SMOC2: variants seen among roughly 807,000 people sequenced by gnomAD.
SMOC2 encodes SPARC related modular calcium binding 2.
A neutral mutation model predicts 61.4 loss-of-function variants in SMOC2; 39 were observed. That is an observed-to-expected ratio of 0.64 (90% confidence interval 0.49 to 0.83). The LOEUF is 0.83. SMOC2 is among the 40% of genes least tolerant of loss of function. The pLI, the probability that SMOC2 is intolerant of heterozygous loss-of-function variation, is 0.00. For synonymous variants in SMOC2, 247 were observed against 239.9 expected (o/e 1.03, Z -0.27); for missense variants, 556 against 592.9 (o/e 0.94, Z 0.65).
At chr6:168,634,472 T>A (rs532479771) in intron 9 of SMOC2, among the ~76,000 whole-genome samples, 2 of 152,326 alleles carry the variant, frequency 1.3e-5, no homozygotes, top group East Asian at 3.9e-4. Context: ...GTCATAGGTC[T>A]CAGGATCCTA....
At chr6:168,558,235 C>T (rs1314801141) in intron 7 of SMOC2, among the ~76,000 whole-genome samples, 3 of 152,192 alleles carry the variant, frequency 2.0e-5, no homozygotes, top group Non-Finnish European at 4.4e-5. Context: ...TTCTCATTGT[C>T]TTATTTAGGA....
chr6:168,625,409 C>T (rs988076607), intron 9 of SMOC2, among the ~76,000 whole-genome samples: 4 of 152,168 alleles, frequency 2.6e-5, no homozygotes, highest in Non-Finnish European at 1.5e-5. Context: ...CTCGCTGTGC[C>T]GGAGAGGCCC....
chr6:168,466,869 C>G (rs528365750), intron 1 of SMOC2, among the ~76,000 whole-genome samples: 1 of 152,158 alleles, frequency 6.6e-6, no homozygotes, highest in African/African-American at 2.4e-5. Flanking sequence ...CCCGGTGGGG[C>G]GGTAAATCCC....
At chr6:168,600,573 C>CA (rs1785525742) in intron 8 of SMOC2, among the ~76,000 whole-genome samples, 1 of 152,210 alleles carries the variant, frequency 6.6e-6, no homozygotes, top group Non-Finnish European at 1.5e-5. Context: ...CTGCCCCACT[C>CA]ACGCCGGACG....
chr6:168,497,403 A>G (rs529275345), intron 1 of SMOC2, among the ~76,000 whole-genome samples: 3 of 152,296 alleles, frequency 2.0e-5, no homozygotes, highest in Admixed American at 6.5e-5. Flanking sequence ...AGCTCTTTTT[A>G]TTACAGAGAA....
intron 1 of SMOC2, among the ~76,000 whole-genome samples, chr6:168,493,063 G>T (rs1358444496): frequency 2.6e-5 from 4 of 151,880 alleles, no homozygotes; most frequent in African/African-American, 7.3e-5. Flanking sequence ...TTGAGACAGA[G>T]TCTTACTCTG....
intron 7 of SMOC2, among the ~76,000 whole-genome samples, chr6:168,587,253 T>G (rs1027779408): frequency 2.6e-5 from 4 of 152,200 alleles, no homozygotes; most frequent in Non-Finnish European, 1.5e-5. Context: ...CACTAACTCC[T>G]CCCGCCCACC....
At chr6:168,509,747 A>G (rs1031188545) in intron 1 of SMOC2, among the ~76,000 whole-genome samples, 168 bp from the exon 2 acceptor site, 2 of 152,176 alleles carry the variant, frequency 1.3e-5, no homozygotes, top group African/African-American at 4.8e-5. Context: ...TGATGGCTAA[A>G]ATGTTCAGAG....
chr6:168,455,641 G>A (rs927159556), intron 1 of SMOC2, among the ~76,000 whole-genome samples: 1 of 152,146 alleles, frequency 6.6e-6, no homozygotes, highest in East Asian at 1.9e-4. Context: ...AAAGGAAAAG[G>A]TACAGATTTC....
chr6:168,456,503 C>A (rs555962806), intron 1 of SMOC2, among the ~76,000 whole-genome samples: 1 of 152,178 alleles, frequency 6.6e-6, no homozygotes, highest in Non-Finnish European at 1.5e-5. Context: ...TCACGGCACC[C>A]CAGCAGGGTC....
chr6:168,485,060 C>T (rs1782299148), intron 1 of SMOC2, among the ~76,000 whole-genome samples: 1 of 152,062 alleles, frequency 6.6e-6, no homozygotes, highest in Non-Finnish European at 1.5e-5. Flanking sequence ...TATTTAATAT[C>T]ACTTAACTAT....
intron 7 of SMOC2, among the ~76,000 whole-genome samples, chr6:168,550,533 C>T (rs933805385): frequency 7.2e-5 from 11 of 152,140 alleles, no homozygotes; most frequent in African/African-American, 2.2e-4. Flanking sequence ...GCAAAGCTAG[C>T]GCGGTGCAAT....
chr6:168,451,572 G>A (rs1432653172), intron 1 of SMOC2, among the ~76,000 whole-genome samples: 2 of 145,438 alleles, frequency 1.4e-5, no homozygotes, highest in Non-Finnish European at 3.0e-5. Flanking sequence ...GGCAGCTCGC[G>A]CTCTCTCTCT....
At chr6:168,634,437 A>C (rs552109942) in intron 9 of SMOC2, among the ~76,000 whole-genome samples, 13 of 152,352 alleles carry the variant, frequency 8.5e-5, no homozygotes, top group African/African-American at 2.9e-4. Flanking sequence ...TATTCTCCCC[A>C]GGTGGTCAAT....
intron 2 of SMOC2, among the ~76,000 whole-genome samples, chr6:168,524,656 C>T (rs745560576): frequency 1.3e-5 from 2 of 152,246 alleles, no homozygotes; most frequent in Non-Finnish European, 2.9e-5. Flanking sequence ...TACTAAAAAA[C>T]GAGGACAGAA....
intron 7 of SMOC2, among the ~76,000 whole-genome samples, chr6:168,581,060 G>C (rs774823986): frequency 1.5e-4 from 23 of 152,038 alleles, no homozygotes; most frequent in Non-Finnish European, 2.9e-4. Context: ...ATTCCCCCCT[G>C]GTTTTTATAC....
At chr6:168,574,554 G>A (rs1482148671) in intron 7 of SMOC2, among the ~76,000 whole-genome samples, 1 of 152,216 alleles carries the variant, frequency 6.6e-6, no homozygotes, top group Non-Finnish European at 1.5e-5. Context: ...CTGGAGAAAG[G>A]TGAGGAGGGA....
chr6:168,624,545 C>T (rs1786334036), intron 9 of SMOC2, among the ~76,000 whole-genome samples: 1 of 150,332 alleles, frequency 6.7e-6, no homozygotes, highest in Non-Finnish European at 1.5e-5. Context: ...CACATAGACA[C>T]ATGCACACAC....
chr6:168,597,826 C>T (rs1008350344), intron 7 of SMOC2, among the ~76,000 whole-genome samples: 8 of 152,218 alleles, frequency 5.3e-5, no homozygotes, highest in Non-Finnish European at 1.0e-4. Context: ...GATGCTACCG[C>T]TCTCCCCCCA....
Sources: gnomAD v4.1 joint callset for allele counts (sites outside exome capture counted in the v4.1 genomes callset) on GRCh38, gnomAD v4.1.1 for gene constraint, MANE v1.5 for transcripts, NCBI Gene and HGNC (gene_info 2026-07-23, HGNC 2026-07-21) for gene names.